Variants in LAMA2 observed in about 807,000 individuals in gnomAD.
LAMA2 encodes the protein laminin subunit alpha-2.
In LAMA2, 269 loss-of-function variants were observed where a neutral mutation model predicts 364.8. The observed-to-expected ratio is 0.74, with a 90% CI of 0.67 to 0.82. LAMA2 has a LOEUF of 0.82. LAMA2 is among the 40% of genes least tolerant of loss of function. The pLI is 0.00. For synonymous variants in LAMA2, 1,379 were observed against 1,370.6 expected (o/e 1.01, Z -0.14); for missense variants, 3,807 against 3,873.2 (o/e 0.98, Z 0.45).
intron 34 of LAMA2, among the ~76,000 whole-genome samples, chr6:129,375,533 C>A (rs1037480926): frequency 3.3e-5 from 5 of 152,184 alleles, no homozygotes; most frequent in African/African-American, 1.2e-4. Flanking sequence ...ATTAATTTTA[C>A]TTGAAATCTC....
chr6:129,401,392 C>T (rs536386810), intron 38 of LAMA2, 52 bp downstream of exon 38: 69 of 1,135,148 alleles, frequency 6.1e-5, no homozygotes, highest in Admixed American at 2.2e-4. Flanking sequence ...AAATGGGAGC[C>T]GATGAGAAAG....
At chr6:129,137,201 G>A (rs1157155518) in intron 4 of LAMA2, among the ~76,000 whole-genome samples, 3 of 151,926 alleles carry the variant, frequency 2.0e-5, no homozygotes, top group East Asian at 3.9e-4. Context: ...AGTAGTCATC[G>A]GACATGTAAG....
rs1782071108 is a variant in LAMA2, at chr6:129,440,845, G to C, written c.6115G>C (p.Asp2039His). 4 of 1,613,862 alleles carry C rather than the reference G, an allele frequency of 2.5e-6. No homozygotes were observed. The highest frequency in any genetic ancestry group is 3.4e-6 in the Non-Finnish European group (4 of 1,179,876). The change falls in exon 43 of 65, where the codon GAC becomes CAC. Residue 2039 changes from aspartate to histidine, a missense_variant. Asp to His is a moderately conservative substitution (Grantham distance 81). Coordinates refer to ENST00000421865, the MANE Select transcript of LAMA2 (RefSeq NM_000426.4). ...DTAAKLQAVK[D>H]KARQANDTAK... ...AGCTGCTAAACTGCAAGCTGTTAAG[G>C]ACAAAGCCAGACAAGCCAACGACAC...
intron 7 of LAMA2, among the ~76,000 whole-genome samples, chr6:129,154,202 A>T (rs772115274): frequency 8.5e-5 from 13 of 152,078 alleles, no homozygotes; most frequent in Admixed American, 5.2e-4. Context: ...TCATGGGTCA[A>T]GAGTTCAAGA....
At chr6:129,364,212 T>A (rs796189709) in intron 32 of LAMA2, among the ~76,000 whole-genome samples, 1 of 152,204 alleles carries the variant, frequency 6.6e-6, no homozygotes, top group South Asian at 2.1e-4. Flanking sequence ...CTCTAGCTGC[T>A]GTCCTATCAA....
At chr6:129,294,000 T>C (rs1390807704) in intron 20 of LAMA2, among the ~76,000 whole-genome samples, 2 of 152,204 alleles carry the variant, frequency 1.3e-5, no homozygotes, top group African/African-American at 4.8e-5. Context: ...GGTTTATGTC[T>C]GCTTACGTAC....
At chr6:129,355,517 G>A (rs759477349) in intron 32 of LAMA2, among the ~76,000 whole-genome samples, 3 of 152,058 alleles carry the variant, frequency 2.0e-5, no homozygotes, top group Non-Finnish European at 2.9e-5. Flanking sequence ...TAGTGCAAGA[G>A]ACCAAAAAAT....
chr6:129,497,713 C>T (rs922686161), intron 58 of LAMA2, among the ~76,000 whole-genome samples: 1 of 152,200 alleles, frequency 6.6e-6, no homozygotes, highest in African/African-American at 2.4e-5. Flanking sequence ...CTGCCAGCAA[C>T]TTACAGCATG....
chr6:129,334,059 G>C (rs1775805263), intron 29 of LAMA2, among the ~76,000 whole-genome samples: 1 of 152,088 alleles, frequency 6.6e-6, no homozygotes, highest in South Asian at 2.1e-4. Context: ...TTGAATTTAG[G>C]CAACTCTGTT....
intron 1 of LAMA2, among the ~76,000 whole-genome samples, chr6:128,986,333 T>C (rs537714425): frequency 1.3e-5 from 2 of 152,298 alleles, no homozygotes; most frequent in Admixed American, 1.3e-4. Flanking sequence ...CCCTGGTTCC[T>C]TATAGTGAAA....
chr6:129,352,974 C>T (rs1274196525), intron 31 of LAMA2, among the ~76,000 whole-genome samples, 190 bp from the exon 32 acceptor site: 10 of 151,962 alleles, frequency 6.6e-5, no homozygotes, highest in South Asian at 2.1e-4. Context: ...TTCTTTTTCA[C>T]GGCATAATCT....
At chr6:128,978,820 T>A (rs1329192546) in intron 1 of LAMA2, among the ~76,000 whole-genome samples, 1 of 152,170 alleles carries the variant, frequency 6.6e-6, no homozygotes, top group Admixed American at 6.5e-5. Context: ...TAGTAAGAGC[T>A]AGGTGGGCAA....
At chr6:129,354,876 A>G (rs1777064295) in intron 32 of LAMA2, among the ~76,000 whole-genome samples, 1 of 152,208 alleles carries the variant, frequency 6.6e-6, no homozygotes, top group Non-Finnish European at 1.5e-5. Flanking sequence ...ATCGTAATTC[A>G]TCTTTTCCCT....
chr6:129,276,347 C>T (rs1052936197), intron 17 of LAMA2, among the ~76,000 whole-genome samples: 3 of 152,200 alleles, frequency 2.0e-5, no homozygotes, highest in South Asian at 2.1e-4. Context: ...TAATTTTATA[C>T]CCATGATTAA....
chr6:129,417,562 C>A (rs1780862964), intron 40 of LAMA2, among the ~76,000 whole-genome samples: 1 of 152,140 alleles, frequency 6.6e-6, no homozygotes, highest in South Asian at 2.1e-4. Flanking sequence ...CAGGCAGTCC[C>A]TGGCTTGAAG....
chr6:129,256,204 G>A (rs1319887036), intron 14 of LAMA2, among the ~76,000 whole-genome samples: 2 of 152,154 alleles, frequency 1.3e-5, no homozygotes, highest in African/African-American at 2.4e-5. Flanking sequence ...TCATGCTTGG[G>A]TTTGAATCTA....
intron 1 of LAMA2, among the ~76,000 whole-genome samples, chr6:128,900,208 C>T (rs1261659370): frequency 1.3e-5 from 2 of 152,094 alleles, no homozygotes; most frequent in South Asian, 2.1e-4. Context: ...GGTCAAGAAA[C>T]GCAGTACCTA....
chr6:128,915,727 T>A (rs1405233751), intron 1 of LAMA2, among the ~76,000 whole-genome samples: 1 of 152,162 alleles, frequency 6.6e-6, no homozygotes, highest in Non-Finnish European at 1.5e-5. Flanking sequence ...GTATCACAAT[T>A]TGGAATGACG....
At chr6:129,154,715 A>AT (rs748048151) in intron 8 of LAMA2, 32 bp downstream of exon 8, 36 of 1,584,874 alleles carry the variant, frequency 2.3e-5, no homozygotes, top group Non-Finnish European at 2.9e-5. Context: ...ATAAAGAGTT[A>AT]TTTTTTTGCT....
Sources: gnomAD v4.1 joint callset for allele counts (sites outside exome capture counted in the v4.1 genomes callset) on GRCh38, gnomAD v4.1.1 for gene constraint, MANE v1.5 for transcripts, NCBI Gene and HGNC (gene_info 2026-07-23, HGNC 2026-07-21) for gene names.